Variants in SH3RF3 observed in about 807,000 individuals in gnomAD.
SH3RF3 encodes SH3 domain containing ring finger 3.
Under a neutral mutation model 66.3 loss-of-function variants are expected in SH3RF3, and 29 were observed. That is an observed-to-expected ratio of 0.44 (90% CI 0.33 to 0.60). The LOEUF is 0.60. SH3RF3 is among the 20% of genes least tolerant of loss of function. SH3RF3 has a pLI of 0.04. For synonymous variants in SH3RF3, 583 were observed against 532.0 expected, an observed-to-expected ratio of 1.10 and a Z score of -1.32; for missense variants, 1,194 against 1,190.9, an observed-to-expected ratio of 1.00 and a Z score of -0.04.
chr2:109,386,167 T>C (rs1188216739), intron 3 of SH3RF3, among the ~76,000 whole-genome samples: 1 of 152,224 alleles, frequency 6.6e-6, no homozygotes, highest in Non-Finnish European at 1.5e-5. Context: ...CCGCCTTGCC[T>C]GGAATTGCTC....
intron 3 of SH3RF3, among the ~76,000 whole-genome samples, chr2:109,378,879 AT>A (rs1041240211): frequency 8.5e-5 from 13 of 152,130 alleles, no homozygotes; most frequent in Non-Finnish European, 1.8e-4. Flanking sequence ...GTTCCCTCAT[AT>A]GAATGCCCTG....
chr2:109,134,508 T>G (rs1024296601), intron 1 of SH3RF3, among the ~76,000 whole-genome samples: 2 of 152,182 alleles, frequency 1.3e-5, no homozygotes, highest in Non-Finnish European at 2.9e-5. Flanking sequence ...GAGCACCCAG[T>G]GGGACCAGGT....
chr2:109,322,659 T>C (rs1470904177), intron 1 of SH3RF3, among the ~76,000 whole-genome samples: 1 of 152,164 alleles, frequency 6.6e-6, no homozygotes, highest in Non-Finnish European at 1.5e-5. Flanking sequence ...AAATAACCTT[T>C]TAAAAAGGAC....
intron 8 of SH3RF3, among the ~76,000 whole-genome samples, chr2:109,468,336 G>A (rs1222766279): frequency 6.6e-6 from 1 of 152,126 alleles, no homozygotes; most frequent in Non-Finnish European, 1.5e-5. Flanking sequence ...GAAGGGGAAT[G>A]CGTTGCACTG....
At chr2:109,315,172 T>C (rs1025377) in intron 1 of SH3RF3, among the ~76,000 whole-genome samples, 47,502 of 152,182 alleles carry the variant, frequency 0.31, 9,196 homozygotes, top group African/African-American at 0.55. Flanking sequence ...GAAAGTCTTA[T>C]TTGATGACTT....
At chr2:109,377,723 A>G (rs1309772994) in intron 3 of SH3RF3, among the ~76,000 whole-genome samples, 1 of 152,186 alleles carries the variant, frequency 6.6e-6, no homozygotes, top group South Asian at 2.1e-4. Context: ...CAGCACAATG[A>G]TGATAGCGTG....
At chr2:109,334,135 G>T (rs1313616060) in intron 1 of SH3RF3, among the ~76,000 whole-genome samples, 2 of 152,114 alleles carry the variant, frequency 1.3e-5, no homozygotes, top group Non-Finnish European at 2.9e-5. Context: ...AAAGTGGGAG[G>T]ACTGTTTGAG....
intron 1 of SH3RF3, among the ~76,000 whole-genome samples, chr2:109,318,469 G>T (rs544826665): frequency 6.6e-5 from 10 of 152,184 alleles, no homozygotes; most frequent in Non-Finnish European, 1.2e-4. Context: ...CTCGGCATAC[G>T]CGTTTATCTG....
At chr2:109,415,996 G>A (rs1358221606) in intron 4 of SH3RF3, among the ~76,000 whole-genome samples, 1 of 152,288 alleles carries the variant, frequency 6.6e-6, no homozygotes, top group South Asian at 2.1e-4. Context: ...ACCTGAGCCA[G>A]CATGCTCAGC....
At chr2:109,196,136 C>T (rs907624464) in intron 1 of SH3RF3, among the ~76,000 whole-genome samples, 1 of 152,250 alleles carries the variant, frequency 6.6e-6, no homozygotes, top group Non-Finnish European at 1.5e-5. Context: ...GGCAGGCACA[C>T]GTCCCACTCA....
chr2:109,457,686 T>C (rs1678098696), intron 8 of SH3RF3, among the ~76,000 whole-genome samples: 1 of 152,264 alleles, frequency 6.6e-6, no homozygotes, highest in Admixed American at 6.5e-5. Flanking sequence ...TGCAAAATTC[T>C]ACTGCTGTGA....
intron 5 of SH3RF3, among the ~76,000 whole-genome samples, chr2:109,426,520 T>C (rs930832041): frequency 6.6e-6 from 1 of 152,192 alleles, no homozygotes; most frequent in Non-Finnish European, 1.5e-5. Context: ...TGCTGCAATC[T>C]TATGAGAAAA....
intron 3 of SH3RF3, among the ~76,000 whole-genome samples, chr2:109,385,358 C>T (rs531997298): frequency 1.3e-5 from 2 of 152,330 alleles, no homozygotes; most frequent in South Asian, 4.1e-4. Flanking sequence ...CCCCAGTGTC[C>T]CCTGAGTCAC....
At chr2:109,484,667 C>T (rs1034959124) in intron 8 of SH3RF3, among the ~76,000 whole-genome samples, 4 of 152,154 alleles carry the variant, frequency 2.6e-5, no homozygotes, top group African/African-American at 9.7e-5. Flanking sequence ...TATTTTTCCC[C>T]TCTTAAATTA....
At chr2:109,409,689 G>A (rs1344412008) in intron 4 of SH3RF3, among the ~76,000 whole-genome samples, 2 of 152,096 alleles carry the variant, frequency 1.3e-5, no homozygotes, top group Admixed American at 6.5e-5. Context: ...CCCGGCCACT[G>A]CCCTCCCCGA....
chr2:109,167,652 A>G (rs532280933), intron 1 of SH3RF3, among the ~76,000 whole-genome samples: 99 of 152,264 alleles, frequency 6.5e-4, no homozygotes, highest in African/African-American at 2.2e-3. Flanking sequence ...GCTCACTGCA[A>G]CCTCAGCTTC....
At chr2:109,183,044 G>C (rs1452218016) in intron 1 of SH3RF3, among the ~76,000 whole-genome samples, 1 of 152,130 alleles carries the variant, frequency 6.6e-6, no homozygotes, top group Admixed American at 6.5e-5. Context: ...GTATTTTCTA[G>C]TCGTTTTTAT....
intron 1 of SH3RF3, among the ~76,000 whole-genome samples, chr2:109,135,711 T>C (rs1444543659): frequency 2.6e-5 from 4 of 152,168 alleles, no homozygotes; most frequent in Non-Finnish European, 5.9e-5. Context: ...ATGCTTTGCC[T>C]CTAGATTCAG....
intron 1 of SH3RF3, among the ~76,000 whole-genome samples, chr2:109,297,345 A>T (rs1681339772): frequency 6.6e-6 from 1 of 152,028 alleles, no homozygotes. Context: ...TTGAGAGAAA[A>T]CCCACCAAAG....
Sources: allele counts gnomAD v4.1 joint callset (sites outside exome capture counted in the v4.1 genomes callset), GRCh38; gene constraint gnomAD v4.1.1; transcripts MANE v1.5; gene names NCBI Gene and HGNC (gene_info 2026-07-23, HGNC 2026-07-21).